RBPMS2: variants seen among roughly 807,000 people sequenced by gnomAD.
RBPMS2 encodes the protein RNA-binding protein with multiple splicing 2.
In RBPMS2, 14 loss-of-function variants were observed where a neutral mutation model predicts 25.7. That is an observed-to-expected ratio of 0.55 (90% CI 0.36 to 0.85). The LOEUF (loss-of-function observed/expected upper bound fraction) is 0.85, where lower values mean the gene tolerates loss of function less well. RBPMS2 is among the 40% of genes least tolerant of loss of function. RBPMS2 has a pLI of 0.01. For synonymous variants in RBPMS2, 127 were observed against 115.6 expected (o/e 1.10, Z -0.63); for missense variants, 252 against 283.4 (o/e 0.89, Z 0.80).
chr15:64,744,268 C>T (rs560954823), intron 6 of RBPMS2, among the ~76,000 whole-genome samples: 1 of 151,778 alleles, frequency 6.6e-6, no homozygotes, highest in South Asian at 2.1e-4. Flanking sequence ...ATAAAGAAAA[C>T]AAAACAATGG....
At chr15:64,773,846 T>C (rs1203682420) in intron 1 of RBPMS2, among the ~76,000 whole-genome samples, 1 of 152,090 alleles carries the variant, frequency 6.6e-6, no homozygotes, top group Non-Finnish European at 1.5e-5. Context: ...AACAGCCAGG[T>C]AGAGTCAGGA....
intron 6 of RBPMS2, among the ~76,000 whole-genome samples, chr15:64,741,698 G>A (rs117857635): frequency 1.8e-3 from 280 of 152,334 alleles, no homozygotes; most frequent in Admixed American, 4.4e-3. Flanking sequence ...CAGAAATGAC[G>A]AAGTCATATG....
At chr15:64,742,565 C>T (rs766543934) in intron 6 of RBPMS2, among the ~76,000 whole-genome samples, 32 of 152,212 alleles carry the variant, frequency 2.1e-4, no homozygotes, top group Non-Finnish European at 4.0e-4. Context: ...CAGGGAAGGC[C>T]GCCTGCCCCA....
intron 1 of RBPMS2, among the ~76,000 whole-genome samples, chr15:64,771,024 A>C (rs1298729664): frequency 6.6e-6 from 1 of 152,218 alleles, no homozygotes; most frequent in Admixed American, 6.5e-5. Flanking sequence ...TAGCCCCCTT[A>C]GCTGCCATTA....
chr15:64,748,939 G>C, intron 5 of RBPMS2, 61 bp downstream of exon 5: 1 of 1,578,796 alleles, frequency 6.3e-7, no homozygotes, highest in Non-Finnish European at 8.7e-7. Flanking sequence ...CTCTGCAAGA[G>C]CCTGCAAGTC....
chr15:64,766,630 A>G (rs1172977715), intron 1 of RBPMS2, among the ~76,000 whole-genome samples: 2 of 150,848 alleles, frequency 1.3e-5, no homozygotes, highest in Non-Finnish European at 2.9e-5. Context: ...GGTTCACGCC[A>G]TTCTTCTGCC....
chr15:64,769,370 G>A (rs1268943235), intron 1 of RBPMS2, among the ~76,000 whole-genome samples: 3 of 146,670 alleles, frequency 2.0e-5, no homozygotes, highest in African/African-American at 7.6e-5. Context: ...GTTGCGGTGA[G>A]CCGAGATCGC....
At chr15:64,745,287 T>C (rs897362675) in intron 6 of RBPMS2, among the ~76,000 whole-genome samples, 1 of 152,176 alleles carries the variant, frequency 6.6e-6, no homozygotes, top group Non-Finnish European at 1.5e-5. Flanking sequence ...AACTGCCTGT[T>C]TTTTTCCATA....
intron 1 of RBPMS2, among the ~76,000 whole-genome samples, chr15:64,763,256 G>A (rs184506477): frequency 1.0e-3 from 152 of 152,286 alleles, no homozygotes; most frequent in African/African-American, 3.6e-3. Context: ...GGACACAGGG[G>A]AAGACAGCAA....
intron 1 of RBPMS2, among the ~76,000 whole-genome samples, chr15:64,753,022 C>T (rs906939635): frequency 2.6e-5 from 4 of 152,148 alleles, no homozygotes; most frequent in African/African-American, 9.7e-5. Context: ...CTGCTGGCAC[C>T]GGATGCTAAA....
chr15:64,763,579 T>C (rs2083812822), intron 1 of RBPMS2, among the ~76,000 whole-genome samples: 1 of 152,162 alleles, frequency 6.6e-6, no homozygotes, highest in Admixed American at 6.5e-5. Flanking sequence ...GGCTGCACCT[T>C]GTAGTTTCAT....
intron 6 of RBPMS2, among the ~76,000 whole-genome samples, chr15:64,745,147 A>G (rs1246723574): frequency 6.6e-6 from 1 of 152,110 alleles, no homozygotes; most frequent in African/African-American, 2.4e-5. Flanking sequence ...TTAAATATGT[A>G]TTGCAGTTTT....
intron 1 of RBPMS2, among the ~76,000 whole-genome samples, chr15:64,766,129 G>A (rs2083843972): frequency 6.6e-6 from 1 of 152,204 alleles, no homozygotes; most frequent in South Asian, 2.1e-4. Context: ...TTCTGCCATG[G>A]CCTGGTCCAA....
chr15:64,747,055 T>A (rs2083623520), intron 6 of RBPMS2, among the ~76,000 whole-genome samples: 1 of 152,142 alleles, frequency 6.6e-6, no homozygotes, highest in South Asian at 2.1e-4. Flanking sequence ...AACAATTCCC[T>A]CCAGGGGAAG....
intron 1 of RBPMS2, among the ~76,000 whole-genome samples, chr15:64,764,585 C>T (rs1021397114): frequency 6.6e-6 from 1 of 152,162 alleles, no homozygotes; most frequent in African/African-American, 2.4e-5. Context: ...CCCTCCATCC[C>T]AAGCTGTGCC....
chr15:64,752,219 G>A (rs1201223349), intron 1 of RBPMS2, among the ~76,000 whole-genome samples: 1 of 152,084 alleles, frequency 6.6e-6, no homozygotes, highest in Non-Finnish European at 1.5e-5. Context: ...ATGTAAAAAT[G>A]TATCTATTTT....
intron 1 of RBPMS2, among the ~76,000 whole-genome samples, chr15:64,768,053 G>C (rs117464725): frequency 6.6e-6 from 1 of 152,200 alleles, no homozygotes; most frequent in Non-Finnish European, 1.5e-5. Flanking sequence ...AAGGGATAAC[G>C]AGACACAAAA....
intron 1 of RBPMS2, among the ~76,000 whole-genome samples, chr15:64,762,793 C>A (rs1383469644): frequency 1.3e-5 from 2 of 152,162 alleles, no homozygotes; most frequent in African/African-American, 4.8e-5. Flanking sequence ...TAGAATGCGA[C>A]TGAGTCTCAG....
intron 3 of RBPMS2, 64 bp downstream of exon 3, chr15:64,750,279 C>T: frequency 7.2e-7 from 1 of 1,394,602 alleles, no homozygotes; most frequent in African/African-American, 1.4e-5. Context: ...GGTTAACGGG[C>T]CCTTGTTTGA....
Sources: allele counts gnomAD v4.1 joint callset (sites outside exome capture counted in the v4.1 genomes callset), GRCh38; gene constraint gnomAD v4.1.1; transcripts MANE v1.5; gene names NCBI Gene and HGNC (gene_info 2026-07-23, HGNC 2026-07-21).